Variants in NOSTRIN observed in about 807,000 individuals in gnomAD.
NOSTRIN encodes the protein BM247 homolog.
A neutral mutation model predicts 59.0 loss-of-function variants in NOSTRIN; 63 were observed. The observed-to-expected ratio is 1.07, with a 90% CI of 0.87 to 1.32. NOSTRIN has a LOEUF of 1.32. Among genes scored for constraint, NOSTRIN ranks in the 40% most tolerant of loss-of-function variants. NOSTRIN has a pLI of 0.00. For synonymous variants in NOSTRIN, 200 were observed against 165.4 expected, an observed-to-expected ratio of 1.21 and a Z score of -1.61; for missense variants, 512 against 473.1, an observed-to-expected ratio of 1.08 and a Z score of -0.76.
chr2:168,832,392 C>G (rs189677398), intron 6 of NOSTRIN, among the ~76,000 whole-genome samples: 17 of 152,282 alleles, frequency 1.1e-4, no homozygotes, highest in African/African-American at 3.1e-4. Flanking sequence ...AGCAGTAAAT[C>G]TACTAACAAG....
upstream of NOSTRIN, among the ~76,000 whole-genome samples, chr2:168,801,452 G>A (rs1243953060): frequency 6.6e-6 from 1 of 151,904 alleles, no homozygotes; most frequent in African/African-American, 2.4e-5. Context: ...CAAACTCCTG[G>A]CCTCAAGTGA....
chr2:168,801,307 A>AACC (rs1299900963), upstream of NOSTRIN: 1 of 146,930 alleles, frequency 6.8e-6, no homozygotes, highest in Non-Finnish European at 1.5e-5. Flanking sequence ...CCCAGCTTTG[A>AACC]ACCCCTAGAC....
At chr2:168,828,127 A>G (rs768612829) in intron 3 of NOSTRIN, 31 bp from the exon 4 acceptor site, 2 of 872,366 alleles carry the variant, frequency 2.3e-6, no homozygotes, top group African/African-American at 3.3e-5. Context: ...AATGACACTC[A>G]CCTTTGTTCC....
intron 11 of NOSTRIN, 135 bp downstream of exon 11, chr2:168,855,595 G>C: frequency 1.1e-5 from 2 of 181,184 alleles, no homozygotes; most frequent in Non-Finnish European, 1.0e-5. Flanking sequence ...TCAAACTTCA[G>C]TTGTGTGAAC....
chr2:168,811,541 T>G lies in NOSTRIN; in HGVS notation c.28-26T>G, dbSNP rs773807505. ...GCTCGTAATCTTCCTGTTCATTGTT[T>G]TTTTGTTATTGTTCTTGTTTTTCAG... On this transcript the variant is annotated intron_variant, in intron 1 of 15. Transcript: ENST00000317647. 14 of 769,878 alleles carry G rather than the reference T, an allele frequency of 1.8e-5. No homozygotes were observed. In the South Asian group the frequency reaches 2.2e-4, roughly 12 times the overall value. The allele number at this position is 769,878 out of a possible 1,614,324, so 47.7% of individuals were successfully genotyped here.
intron 6 of NOSTRIN, among the ~76,000 whole-genome samples, chr2:168,831,747 G>A (rs1255150184): frequency 5.3e-5 from 8 of 152,126 alleles, no homozygotes; most frequent in Non-Finnish European, 1.0e-4. Flanking sequence ...CACTTATTAT[G>A]TGCTAAGTGC....
chr2:168,796,857 G>A (rs1172829579), upstream of NOSTRIN, among the ~76,000 whole-genome samples: 3 of 152,118 alleles, frequency 2.0e-5, no homozygotes, highest in Non-Finnish European at 4.4e-5. Flanking sequence ...CCTGATAGCT[G>A]AGGATATGGG....
At chr2:168,863,309 A>G in intron 15 of NOSTRIN, 1 of 681,460 alleles carries the variant, frequency 1.5e-6, no homozygotes, top group South Asian at 6.7e-5. Flanking sequence ...GTCCTTTAAG[A>G]ATAGTGATTT....
intron 2 of NOSTRIN, among the ~76,000 whole-genome samples, chr2:168,820,285 C>T (rs988441300): frequency 1.3e-5 from 2 of 152,122 alleles, no homozygotes; most frequent in Admixed American, 6.6e-5. Flanking sequence ...CTTGGTGTTC[C>T]GTTCCATGAA....
chr2:168,847,875 A>G (rs1688524137), intron 8 of NOSTRIN, among the ~76,000 whole-genome samples: 2 of 152,338 alleles, frequency 1.3e-5, no homozygotes, highest in South Asian at 4.1e-4. Flanking sequence ...GAGCAAACAT[A>G]GATCATTTTA....
chr2:168,818,770 A>G (rs1686559792), intron 2 of NOSTRIN, among the ~76,000 whole-genome samples: 1 of 152,232 alleles, frequency 6.6e-6, no homozygotes, highest in South Asian at 2.1e-4. Flanking sequence ...AGAGAAAATT[A>G]GAATGTAAAG....
intron 1 of NOSTRIN, among the ~76,000 whole-genome samples, chr2:168,809,432 C>T (rs1028810674): frequency 6.6e-6 from 1 of 152,144 alleles, no homozygotes; most frequent in Admixed American, 6.6e-5. Context: ...GACCTTATTT[C>T]AGGAGTATGT....
chr2:168,855,605 CA>C (rs58938408), intron 11 of NOSTRIN, 145 bp downstream of exon 11: 1,829 of 152,492 alleles, frequency 0.012, no homozygotes, highest in Middle Eastern at 0.019. Context: ...GTTGTGTGAA[CA>C]AAAAAAAAAA....
chr2:168,844,681 T>C (rs1688300327), intron 8 of NOSTRIN, among the ~76,000 whole-genome samples: 1 of 152,062 alleles, frequency 6.6e-6, no homozygotes, highest in Non-Finnish European at 1.5e-5. Context: ...CCATCCTGGC[T>C]AACACGGCGA....
intron 15 of NOSTRIN, chr2:168,863,736 A>T: frequency 1.2e-6 from 1 of 842,056 alleles, no homozygotes; most frequent in Non-Finnish European, 1.4e-6. Context: ...TGATCTTAAG[A>T]AAAGACTGTT....
At chr2:168,844,604 G>A (rs576190861) in intron 8 of NOSTRIN, among the ~76,000 whole-genome samples, 9 of 152,128 alleles carry the variant, frequency 5.9e-5, no homozygotes, top group Non-Finnish European at 1.0e-4. Flanking sequence ...CAGCCTGGGC[G>A]GCACGCCTGT....
intron 8 of NOSTRIN, among the ~76,000 whole-genome samples, chr2:168,844,001 G>A (rs920489079): frequency 2.0e-5 from 3 of 152,142 alleles, no homozygotes; most frequent in Non-Finnish European, 2.9e-5. Context: ...TTTGGAAAGT[G>A]AACTAATATC....
At chr2:168,840,552 CA>C (rs1688032755) in intron 7 of NOSTRIN, among the ~76,000 whole-genome samples, 2 of 111,432 alleles carry the variant, frequency 1.8e-5, no homozygotes, top group Non-Finnish European at 3.9e-5. Flanking sequence ...AAAAAAAAAA[CA>C]AAAAAACAGA....
chr2:168,834,498 C>CGCGCGT (rs1553527036), intron 7 of NOSTRIN, among the ~76,000 whole-genome samples, 173 bp downstream of exon 7: 1 of 101,984 alleles, frequency 9.8e-6, no homozygotes, highest in Non-Finnish European at 2.0e-5. Context: ...CGTGCGCGCG[C>CGCGCGT]GCGCGCGCGC....
Sources: allele counts gnomAD v4.1 joint callset (sites outside exome capture counted in the v4.1 genomes callset), GRCh38; gene constraint gnomAD v4.1.1; transcripts MANE v1.5; gene names NCBI Gene and HGNC (gene_info 2026-07-23, HGNC 2026-07-21).